Variants in TTLL7 observed in about 807,000 individuals in gnomAD.
TTLL7 encodes the protein tubulin polyglutamylase TTLL7.
A neutral mutation model predicts 120.2 loss-of-function variants in TTLL7; 53 were observed. That is an observed-to-expected ratio of 0.44 (90% CI 0.35 to 0.55). The LOEUF is 0.55. Ranked by LOEUF, TTLL7 falls within the 20% of genes least tolerant of loss-of-function variation. The pLI is 0.00. For synonymous variants in TTLL7, 353 were observed against 351.7 expected (o/e 1.00, Z -0.04); for missense variants, 803 against 1,054.7 (o/e 0.76, Z 3.31).
intron 1 of TTLL7, among the ~76,000 whole-genome samples, chr1:83,987,305 T>C (rs891910735): frequency 2.0e-5 from 3 of 150,488 alleles, no homozygotes; most frequent in African/African-American, 7.3e-5. Context: ...ATGAAAGAAA[T>C]CAATGAAGAC....
At chr1:83,915,216 G>C (rs1173925146) in intron 14 of TTLL7, among the ~76,000 whole-genome samples, 8 of 152,180 alleles carry the variant, frequency 5.3e-5, no homozygotes, top group Non-Finnish European at 1.0e-4. Context: ...AAAGCTGGAG[G>C]CATCACACTA....
chr1:83,998,400 G>C (rs1653678103), intron 1 of TTLL7, among the ~76,000 whole-genome samples: 1 of 152,132 alleles, frequency 6.6e-6, no homozygotes, highest in Non-Finnish European at 1.5e-5. Context: ...AGGGAACGCT[G>C]CGATGTGATA....
intron 19 of TTLL7, among the ~76,000 whole-genome samples, chr1:83,888,904 G>A (rs1202086659): frequency 1.3e-5 from 2 of 151,972 alleles, no homozygotes; most frequent in Non-Finnish European, 2.9e-5. Flanking sequence ...ACAAAAAACT[G>A]GAAACAAAAA....
intron 1 of TTLL7, among the ~76,000 whole-genome samples, chr1:83,995,185 G>A (rs998978824): frequency 2.0e-5 from 3 of 152,074 alleles, no homozygotes; most frequent in African/African-American, 7.2e-5. Flanking sequence ...ACAAGATTGG[G>A]TGTTATGAAT....
Position 83,961,776 on chromosome 1 carries a change from G to T in TTLL7, c.-176-9389C>A, listed in dbSNP as rs1571320162. Among the ~76,000 whole-genome samples, 3 of 152,190 alleles carry T rather than the reference G, an allele frequency of 2.0e-5. 1 individual carries two copies. In the Middle Eastern group the frequency reaches 0.01, roughly 518 times the overall value. ...TTCAGTTTTAAGTAGTTCTCCAGTAGCCTAAAACTCTTATTTGCTCCCTAT... is the reference window on the plus strand; with the variant it reads ...TTCAGTTTTAAGTAGTTCTCCAGTATCCTAAAACTCTTATTTGCTCCCTAT... On this transcript the variant is annotated intron_variant, in intron 1 of 20. Coordinates refer to ENST00000260505, the MANE Select transcript of TTLL7 (RefSeq NM_024686.6).
chr1:83,964,813 T>C lies in TTLL7; in HGVS notation c.-176-12426A>G. ...ATTGATAAAATTATACATGTAACCATATACCCACAGCATGCATCTTAGTTT... is the reference window on the plus strand; with the variant it reads ...ATTGATAAAATTATACATGTAACCACATACCCACAGCATGCATCTTAGTTT... On this transcript the variant is annotated intron_variant, in intron 1 of 20. Transcript: ENST00000260505. Among the ~76,000 whole-genome samples, 2 of 152,170 alleles carry C rather than the reference T, an allele frequency of 1.3e-5. 1 individual carries two copies. The highest frequency in any genetic ancestry group is 2.9e-5 in the Non-Finnish European group (2 of 68,018).
chr1:83,956,399 A>G (rs1015777813), intron 1 of TTLL7, among the ~76,000 whole-genome samples: 2 of 149,920 alleles, frequency 1.3e-5, no homozygotes, highest in African/African-American at 2.5e-5. Context: ...TGCTGAGATT[A>G]CAGGCATGAG....
chr1:83,936,587 A>C (rs897050759), intron 8 of TTLL7, among the ~76,000 whole-genome samples: 1 of 152,152 alleles, frequency 6.6e-6, no homozygotes, highest in Non-Finnish European at 1.5e-5. Context: ...TAATTGCATA[A>C]ACAAATAAAT....
intron 1 of TTLL7, among the ~76,000 whole-genome samples, chr1:83,990,085 G>A (rs1404728849): frequency 6.6e-6 from 1 of 151,666 alleles, no homozygotes; most frequent in African/African-American, 2.4e-5. Flanking sequence ...AGTTCCAGGG[G>A]CTTTTTGGCA....
chr1:83,935,960 A>G (rs1647338764), intron 8 of TTLL7, among the ~76,000 whole-genome samples: 1 of 152,192 alleles, frequency 6.6e-6, no homozygotes, highest in African/African-American at 2.4e-5. Context: ...AGCTAGATTT[A>G]TTAACTGATT....
At chr1:83,982,423 A>G (rs1029647359) in intron 1 of TTLL7, among the ~76,000 whole-genome samples, 8 of 152,142 alleles carry the variant, frequency 5.3e-5, no homozygotes, top group African/African-American at 1.9e-4. Flanking sequence ...AATATAAGAA[A>G]TCAATGAAAC....
In TTLL7 at chr1:83,899,473, A is replaced by G. The variant is rs115784420; in HGVS notation, c.2208+4606T>C. Among the ~76,000 whole-genome samples, 295 of 152,082 alleles carry G rather than the reference A, an allele frequency of 1.9e-3. 1 individual carries two copies. The highest frequency in any genetic ancestry group is 6.4e-3 in the African/African-American group (266 of 41,528). On this transcript the variant is annotated intron_variant, in intron 18 of 20. Coordinates refer to ENST00000260505, the MANE Select transcript of TTLL7 (RefSeq NM_024686.6). ...TAAAATTGGGCATCTTTGCAAGATA[A>G]ACTTGCTGTAGTTAAGACCAGCCCT... is the stretch of plus-strand genomic sequence containing the variant.
chr1:83,883,014 G>A lies in TTLL7; in HGVS notation c.2492C>T (p.Thr831Ile). 1 of 1,612,712 alleles carries A rather than the reference G, an allele frequency of 6.2e-7. No homozygotes were observed. The highest frequency in any genetic ancestry group is 8.5e-7 in the Non-Finnish European group (1 of 1,179,186). ...QCLLVVYKYA[T>I]DKRGSLSGIG... is the part of the protein sequence containing the mutation. ...GCCTGAAAGTGATCCTCTTTTGTCA[G>A]TTGCATATTTGTAAACCACTAGCAG... The change falls in exon 20 of 21, where the codon ACT becomes ATT. Residue 831 changes from threonine (T) to isoleucine (I), a missense_variant. Coordinates refer to ENST00000260505, the MANE Select transcript of TTLL7 (RefSeq NM_024686.6).
rs1375051400 is a variant in TTLL7 at position 83,952,397 on chromosome 1, T to C, written c.-176-10A>G. On this transcript the variant is annotated splice_polypyrimidine_tract_variant and intron_variant, in intron 1 of 20. Coordinates refer to ENST00000260505, the MANE Select transcript of TTLL7 (RefSeq NM_024686.6). Reference sequence around the variant, plus strand: ...TGGGATAACAAGGTACCTGCAGTGATTTTAAAACAAGGTCATTTAGAAAAA... The same window carrying C: ...TGGGATAACAAGGTACCTGCAGTGACTTTAAAACAAGGTCATTTAGAAAAA... 4.0e-6 allele frequency: 2 copies of C among 505,320 alleles called. No homozygotes were observed. Among genetic ancestry groups the C allele is most frequent in the African/African-American group, 4.0e-5 (2 of 50,574 alleles). 31.3% of individuals were successfully genotyped at this position (505,320 alleles called of 1,614,324 possible).
At chr1:83,944,684 G>T (rs1648305712) in intron 6 of TTLL7, among the ~76,000 whole-genome samples, 3 of 152,114 alleles carry the variant, frequency 2.0e-5, no homozygotes, top group Admixed American at 2.0e-4. Flanking sequence ...CTCCAGCCTG[G>T]GTGACTGAGT....
intron 1 of TTLL7, chr1:83,980,083 T>C (rs1026685793): frequency 6.6e-6 from 1 of 152,226 alleles, no homozygotes; most frequent in Non-Finnish European, 1.5e-5. Flanking sequence ...TAGGGCTTAA[T>C]TCATCTTTTA....
chr1:83,880,933 GC>G (rs1184156781), intron 20 of TTLL7, among the ~76,000 whole-genome samples: 1 of 152,008 alleles, frequency 6.6e-6, no homozygotes, highest in African/African-American at 2.4e-5. Flanking sequence ...CAGAAATAAT[GC>G]CGCATATCTA....
intron 1 of TTLL7, among the ~76,000 whole-genome samples, chr1:83,967,965 T>C (rs561441374): frequency 6.6e-6 from 1 of 152,092 alleles, no homozygotes; most frequent in African/African-American, 2.4e-5. Context: ...AGAAAAACTA[T>C]TGAACCTGGG....
chr1:83,959,504 G>A (rs994902040), intron 1 of TTLL7, among the ~76,000 whole-genome samples: 1 of 152,170 alleles, frequency 6.6e-6, no homozygotes, highest in African/African-American at 2.4e-5. Flanking sequence ...GAAGAAGTTT[G>A]CTACAAAAGA....
Sources: gnomAD v4.1 joint callset for allele counts (sites outside exome capture counted in the v4.1 genomes callset) on GRCh38, gnomAD v4.1.1 for gene constraint, MANE v1.5 for transcripts, NCBI Gene and HGNC (gene_info 2026-07-23, HGNC 2026-07-21) for gene names.